The following FZR1 variants were observed in gnomAD, a reference collection of about 807,000 sequenced individuals.
The protein encoded by FZR1 is fizzy and cell division cycle 20 related 1, also known as fizzy-related protein homolog.
In FZR1, 11 loss-of-function variants were observed where a neutral mutation model predicts 63.6. The observed-to-expected ratio is 0.17, with a 90% CI of 0.11 to 0.29. The LOEUF is 0.29. Among genes scored for constraint, FZR1 ranks in the 10% least tolerant of loss-of-function variants. The pLI, the probability that FZR1 is intolerant of heterozygous loss-of-function variation, is 1.00. For synonymous variants in FZR1, 328 were observed against 297.9 expected, an observed-to-expected ratio of 1.10 and a Z score of -1.04; for missense variants, 440 against 687.5, an observed-to-expected ratio of 0.64 and a Z score of 4.03.
At position 3,514,899 on chromosome 19, in the gene FZR1, A is replaced by G. The variant is rs574927977; in HGVS notation, c.-34-8057A>G. On this transcript the variant is annotated intron_variant, in intron 1 of 13. Transcript: ENST00000441788. The surrounding 1 kb of genome is among the most constrained non-coding windows in gnomAD (Gnocchi z 4.2). ...TCGAGACTGAAGGCTTGCCCGGGGC[A>G]GTGGCAGAAGGAGGCCTCCTGGCTC... 2.5e-3 allele frequency among the ~76,000 whole-genome samples: 375 copies of G among 152,312 alleles called. 1 individual carries two copies. Among genetic ancestry groups the G allele is most frequent in the Non-Finnish European group, 4.7e-3 (322 of 68,006 alleles).
At position 3,525,654 on chromosome 19, in the gene FZR1, G is replaced by A. The variant is rs1228411402; in HGVS notation, c.70-214G>A. Among the ~76,000 whole-genome samples the A allele has an allele frequency of 6.6e-6, 1 of 152,070 alleles. No homozygotes were observed. Among genetic ancestry groups the A allele is most frequent in the Non-Finnish European group, 1.5e-5 (1 of 68,004 alleles). ...AGACGAGGTTTCACAGTGTTAGCCA[G>A]GATGGTCTTGATCTCCTGACCTCGT... On this transcript the variant is annotated intron_variant, in intron 2 of 13. Transcript: ENST00000441788. This position sits in a 1 kb window ranked among gnomAD's most constrained non-coding sequence, Gnocchi z 4.2.
intron 1 of FZR1, among the ~76,000 whole-genome samples, chr19:3,510,051 C>T (rs1370756421): frequency 2.6e-5 from 4 of 152,106 alleles, no homozygotes; most frequent in African/African-American, 4.8e-5. Context: ...ACCTGCCTTC[C>T]AACCTTTCCA....
chr19:3,529,219 TGAGCGGATGGGA>T (rs1360627835), intron 7 of FZR1, among the ~76,000 whole-genome samples: 2 of 110,202 alleles, frequency 1.8e-5, no homozygotes, highest in African/African-American at 7.1e-5. Context: ...AGTGGATGGT[TGAGCGGATGGGA>T]GAGCGGATGA....
intron 2 of FZR1, 105 bp downstream of exon 2, chr19:3,523,163 C>G: frequency 2.5e-6 from 2 of 784,766 alleles, no homozygotes; most frequent in Non-Finnish European, 4.6e-6. Context: ...GCCCCACGGA[C>G]CACTCAGGTC....
rs779753071 is a variant in FZR1 at position 3,532,012 on chromosome 19, C to T, written c.925C>T (p.Leu309=). 18 of 1,558,456 alleles carry T rather than the reference C, an allele frequency of 1.2e-5. No individual in the cohort carries two copies. In the African/African-American group the frequency reaches 2.4e-4, roughly 21 times the overall value. Residue 309 remains leucine, a synonymous_variant, in exon 10 of 14, where the codon CTG becomes TTG. Transcript: ENST00000441788. The part of the protein sequence containing the change: ...RTPPLQSERR[L]QGHRQEVCGL... Reference sequence around the variant, plus strand: ...CCCGCCACTGCAGTCGGAGCGGCGGCTGCAGGGCCACCGGCAGGAGGTGTG... The same window carrying T: ...CCCGCCACTGCAGTCGGAGCGGCGGTTGCAGGGCCACCGGCAGGAGGTGTG...
At chr19:3,511,946 A>G (rs2083027333) in intron 1 of FZR1, among the ~76,000 whole-genome samples, 1 of 152,132 alleles carries the variant, frequency 6.6e-6, no homozygotes, top group Non-Finnish European at 1.5e-5. Flanking sequence ...TCTGTGCCTC[A>G]GTGGTCTCTC....
rs541496138 is a variant in FZR1 at position 3,532,182 on chromosome 19, G to T, written c.1008+87G>T. On this transcript the variant is annotated intron_variant, in intron 10 of 13. Transcript: ENST00000441788. ...GAACGGAAGAGCCTGGGCTGGGGCG[G>T]GCGCGGGCGCGGGGCCCACTCCACA... is the stretch of plus-strand genomic sequence containing the variant. The T allele has an allele frequency of 5.1e-5, 64 of 1,256,340 alleles. 1 individual carries two copies. In the East Asian group the frequency reaches 1.5e-3, roughly 29 times the overall value. 77.8% of individuals were successfully genotyped at this position (1,256,340 alleles called of 1,614,324 possible).
intron 1 of FZR1, among the ~76,000 whole-genome samples, chr19:3,517,431 A>T (rs951664112): frequency 6.6e-6 from 1 of 152,158 alleles, no homozygotes; most frequent in Non-Finnish European, 1.5e-5. Context: ...TCACACCTGT[A>T]ATCCCAGCAC....
rs1056876007 is a variant in FZR1, at chr19:3,516,075, G to A, written c.-34-6881G>A. Among the ~76,000 whole-genome samples the A allele has an allele frequency of 2.0e-5, 3 of 152,176 alleles. 1 individual carries two copies. The highest frequency in any genetic ancestry group is 2.9e-5 in the Non-Finnish European group (2 of 68,042). ...ATAAATTCTTAGAAGTAGAAATACC[G>A]CATCACAGAGGATGTGCATTTTTTA... On this transcript the variant is annotated intron_variant, in intron 1 of 13. Transcript: ENST00000441788. This position sits in a 1 kb window ranked among gnomAD's most constrained non-coding sequence, Gnocchi z 6.0.
At chr19:3,524,304 C>A (rs114148286) in intron 2 of FZR1, among the ~76,000 whole-genome samples, 1 of 152,150 alleles carries the variant, frequency 6.6e-6, no homozygotes, top group Non-Finnish European at 1.5e-5. Flanking sequence ...CAGTGCACTT[C>A]GAAGTCTCCC....
In FZR1 at chr19:3,514,118, C is replaced by CCCTG; in HGVS notation, c.-35+7645_-35+7648dup. Among the ~76,000 whole-genome samples, 1 of 152,158 alleles carries CCCTG rather than the reference C, an allele frequency of 6.6e-6. No homozygotes were observed. Among genetic ancestry groups the CCCTG allele is most frequent in the East Asian group, 1.9e-4 (1 of 5,176 alleles). On this transcript the variant is annotated intron_variant, in intron 1 of 13. Transcript: ENST00000441788. The surrounding 1 kb of genome is among the most constrained non-coding windows in gnomAD (Gnocchi z 4.2). ...GCTTTGCATTGGTGCTGTTCCCAGGCCCTGTCTACACGGCAGACAGCCCCT... is the reference window on the plus strand; with the variant it reads ...GCTTTGCATTGGTGCTGTTCCCAGGCCCTGCCTGTCTACACGGCAGACAGCCCCT...
chr19:3,526,921 G>C lies in FZR1; in HGVS notation c.388-59G>C. 8.5e-7 allele frequency: 1 copy of C among 1,181,592 alleles called. No homozygotes were observed. Among genetic ancestry groups the C allele is most frequent in the South Asian group, 1.2e-5 (1 of 82,176 alleles). The allele number at this position is 1,181,592 out of a possible 1,614,324, so 73.2% of individuals were successfully genotyped here. A position where few individuals can be genotyped will look rare whatever the true frequency, so the allele number is the denominator to read the frequency against. ...GTACCGGGAGCGTGGGCTGCTGGGG[G>C]GCTCTGAGGGTCCTGCGGCCTGGGC... On this transcript the variant is annotated intron_variant, in intron 5 of 13. Coordinates refer to ENST00000441788, the MANE Select transcript of FZR1 (RefSeq NM_016263.4). This position sits in a 1 kb window ranked among gnomAD's most constrained non-coding sequence, Gnocchi z 5.4.
intron 2 of FZR1, among the ~76,000 whole-genome samples, chr19:3,524,772 A>C (rs1391137874): frequency 6.6e-6 from 1 of 151,984 alleles, no homozygotes; most frequent in African/African-American, 2.4e-5. Flanking sequence ...CGTGGCTGTG[A>C]CCACGTCCCT....
Position 3,533,338 on chromosome 19 carries a change from G to A in FZR1, c.1287G>A (p.Lys429=), listed in dbSNP as rs766389965. 8 of 1,613,012 alleles carry A rather than the reference G, an allele frequency of 5.0e-6. No individual in the cohort carries two copies. The highest frequency in any genetic ancestry group is 5.9e-6 in the Non-Finnish European group (7 of 1,179,836). ...GYSQNQILVW[K]YPSLTQVAKL... ...CACAGAACCAGATCCTTGTCTGGAA[G>A]TACCCCTCCCTGACCCAGGTGGCCA... Residue 429 remains lysine, a synonymous_variant, in exon 12 of 14, where the codon AAG becomes AAA. Transcript: ENST00000441788. This position sits in a 1 kb window ranked among gnomAD's most constrained non-coding sequence, Gnocchi z 4.9.
intron 1 of FZR1, among the ~76,000 whole-genome samples, chr19:3,508,223 A>C (rs1210989028): frequency 1.9e-5 from 1 of 53,472 alleles, no homozygotes; most frequent in Non-Finnish European, 3.0e-5. Context: ...TTTTTTTTTG[A>C]GATGGAGTTT....
At chr19:3,510,603 T>C (rs2083017629) in intron 1 of FZR1, among the ~76,000 whole-genome samples, 2 of 152,156 alleles carry the variant, frequency 1.3e-5, no homozygotes, top group Non-Finnish European at 2.9e-5. Context: ...GGAAGGATGA[T>C]GGGAGCAGAG....
chr19:3,525,860 C>T lies in FZR1; in HGVS notation c.70-8C>T, dbSNP rs780032547. ...GCTGAGAGCAAGCCCTCTGCTGATG[C>T]CCTTCAGGTCACAGAGATGCGGCGG... On this transcript the variant is annotated splice_polypyrimidine_tract_variant and splice_region_variant and intron_variant, in intron 2 of 13. Coordinates refer to ENST00000441788, the MANE Select transcript of FZR1 (RefSeq NM_016263.4). This position sits in a 1 kb window ranked among gnomAD's most constrained non-coding sequence, Gnocchi z 4.2. 1.2e-6 allele frequency: 2 copies of T among 1,610,176 alleles called. No individual in the cohort carries two copies. Among genetic ancestry groups the T allele is most frequent in the South Asian group, 2.2e-5 (2 of 91,062 alleles).
rs560180610 is a variant in FZR1, at chr19:3,509,917, C to T, written c.-35+3443C>T. 6.6e-5 allele frequency among the ~76,000 whole-genome samples: 10 copies of T among 152,176 alleles called. No homozygotes were observed. The South Asian group carries it at 2.1e-3, about 32-fold the overall frequency. ...AGTTGAGCTGCTGCGAAGAGGCAGG[C>T]GCTGGTGGTTGTGTGGCGACCGTCC... On this transcript the variant is annotated intron_variant, in intron 1 of 13. Coordinates refer to ENST00000441788, the MANE Select transcript of FZR1 (RefSeq NM_016263.4).
rs199646863 is a variant in FZR1 at position 3,527,036 on chromosome 19, C to T, written c.444C>T (p.Tyr148=). Residue 148 remains tyrosine, a synonymous_variant, in exon 6 of 14, where the codon TAC becomes TAT. Coordinates refer to ENST00000441788, the MANE Select transcript of FZR1 (RefSeq NM_016263.4). ...ATGACGGCAACGATGTGTCTCCCTACTCCCTGTCTCCCGTCAGCAACAAGA... is the reference window on the plus strand; with the variant it reads ...ATGACGGCAACGATGTGTCTCCCTATTCCCTGTCTCCCGTCAGCAACAAGA... ...SPDDGNDVSP[Y]SLSPVSNKSQ... is the part of the protein sequence containing the mutation. The T allele has an allele frequency of 1.2e-6, 2 of 1,611,870 alleles. No homozygotes were observed. The highest frequency in any genetic ancestry group is 1.3e-5 in the African/African-American group (1 of 75,014).
Sources: gnomAD v4.1 joint callset for allele counts (sites outside exome capture counted in the v4.1 genomes callset) on GRCh38, gnomAD v4.1.1 for gene constraint, Gnocchi (gnomAD v3.1) non-coding constraint, MANE v1.5 for transcripts, NCBI Gene and HGNC (gene_info 2026-07-23, HGNC 2026-07-21) for gene names.